The following ZNF98 variants were observed in gnomAD, a reference collection of about 807,000 sequenced individuals.
The protein encoded by ZNF98 is zinc finger protein 739.
Under a neutral mutation model 12.8 loss-of-function variants are expected in ZNF98, and 8 were observed. The observed-to-expected ratio is 0.63, with a 90% CI of 0.37 to 1.13. The LOEUF is 1.13. Ranked by LOEUF, ZNF98 falls within the 50% of genes most tolerant of loss-of-function variation. ZNF98 has a pLI of 0.01. For missense variants in ZNF98, 379 were observed against 666.1 expected (o/e 0.57, Z 4.74); for synonymous variants, 112 against 223.5 (o/e 0.50, Z 4.45).
intron 1 of ZNF98, among the ~76,000 whole-genome samples, chr19:22,407,524 C>T (rs1318641589): frequency 2.7e-5 from 4 of 150,674 alleles, no homozygotes; most frequent in South Asian, 2.1e-4. Flanking sequence ...CCAGCCTGGC[C>T]AACATGGTGA....
intron 1 of ZNF98, among the ~76,000 whole-genome samples, chr19:22,417,551 G>A (rs565669061): frequency 1.3e-5 from 2 of 152,206 alleles, no homozygotes; most frequent in East Asian, 1.9e-4. Context: ...TACAGATAGC[G>A]GCTCAGGTAG....
At chr19:22,397,118 C>A (rs1244807913) in intron 3 of ZNF98, among the ~76,000 whole-genome samples, 13 of 129,078 alleles carry the variant, frequency 1.0e-4, no homozygotes, top group African/African-American at 1.3e-4. Context: ...GACTCTGTCT[C>A]AAAAAAAAAC....
intron 3 of ZNF98, among the ~76,000 whole-genome samples, chr19:22,398,973 C>T (rs139217893): frequency 0.016 from 2,360 of 152,218 alleles, 75 homozygotes; most frequent in African/African-American, 0.054. Flanking sequence ...CACATATAAT[C>T]AGATTGTAAT....
At chr19:22,412,234 A>G (rs1969588191) in intron 1 of ZNF98, among the ~76,000 whole-genome samples, 1 of 152,210 alleles carries the variant, frequency 6.6e-6, no homozygotes, top group African/African-American at 2.4e-5. Flanking sequence ...CACAGAGGCC[A>G]CAGCTTGATA....
intron 1 of ZNF98, among the ~76,000 whole-genome samples, chr19:22,418,947 A>T (rs1969674750): frequency 6.6e-6 from 1 of 152,192 alleles, no homozygotes; most frequent in Admixed American, 6.5e-5. Context: ...ACTTAAGTTT[A>T]TCTCCGCCCC....
chr19:22,403,737 T>A (rs1046791268), intron 1 of ZNF98, among the ~76,000 whole-genome samples: 8 of 152,378 alleles, frequency 5.3e-5, no homozygotes, highest in Admixed American at 1.3e-4. Context: ...TAGATGATAC[T>A]TTTTTGGATG....
intron 1 of ZNF98, among the ~76,000 whole-genome samples, chr19:22,413,066 A>G (rs1009613826): frequency 3.3e-5 from 5 of 149,302 alleles, no homozygotes; most frequent in Admixed American, 2.0e-4. Context: ...AAAATAAAAA[A>G]TAAAAATAAA....
intron 1 of ZNF98, among the ~76,000 whole-genome samples, chr19:22,418,029 CT>C (rs1969664236): frequency 6.6e-6 from 1 of 152,078 alleles, no homozygotes; most frequent in African/African-American, 2.4e-5. Flanking sequence ...TCTGTGGTAT[CT>C]TTTTTCTTGT....
In ZNF98 at chr19:22,401,103, TA is replaced by T. The variant is rs201737545; in HGVS notation, c.253+1685del. ...CAGCACTGGAAGTATGTGGAATAAG[TA>T]AAAAAAAAAAAAAAAAAAATTTAAG... On this transcript the variant is annotated intron_variant, in intron 3 of 3. Coordinates refer to ENST00000357774, the MANE Select transcript of ZNF98 (RefSeq NM_001098626.2). 6.4e-3 allele frequency among the ~76,000 whole-genome samples: 670 copies of T among 104,608 alleles called. 1 individual carries two copies. Among genetic ancestry groups the T allele is most frequent in the Middle Eastern group, 0.017 (3 of 178 alleles). 68.6% of individuals were successfully genotyped at this position (104,608 alleles called of 152,430 possible).
At chr19:22,397,301 CA>C (rs1426398420) in intron 3 of ZNF98, among the ~76,000 whole-genome samples, 1 of 150,392 alleles carries the variant, frequency 6.6e-6, no homozygotes, top group Non-Finnish European at 1.5e-5. Flanking sequence ...ACATAGAGAG[CA>C]ACATAATTAT....
intron 1 of ZNF98, among the ~76,000 whole-genome samples, chr19:22,416,407 T>C (rs1969643370): frequency 6.6e-6 from 1 of 151,622 alleles, no homozygotes; most frequent in African/African-American, 2.4e-5. Flanking sequence ...GAGGCGGAGC[T>C]TGCAGTAACC....
Position 22,404,215 on chromosome 19 carries a change from G to A in ZNF98, c.31-703C>T, listed in dbSNP as rs141365412. Among the ~76,000 whole-genome samples the A allele has an allele frequency of 5.0e-4, 76 of 152,298 alleles. No homozygotes were observed. The East Asian group carries it at 0.013, about 27-fold the overall frequency. Reference sequence around the variant, plus strand: ...AGCCTGGGTGACAGAGCGAGACTCCGTCTCAAAATAAAAAAAAGAAAAGAA... The same window carrying A: ...AGCCTGGGTGACAGAGCGAGACTCCATCTCAAAATAAAAAAAAGAAAAGAA... On this transcript the variant is annotated intron_variant, in intron 1 of 3. Transcript: ENST00000357774.
chr19:22,416,418 G>C (rs377090759), intron 1 of ZNF98, among the ~76,000 whole-genome samples: 1 of 150,332 alleles, frequency 6.7e-6, no homozygotes, highest in Non-Finnish European at 1.5e-5. Flanking sequence ...TGCAGTAACC[G>C]AGATCGCGCC....
chr19:22,391,387 A>G lies in ZNF98; in HGVS notation c.*129T>C. 1 of 1,464,654 alleles carries G rather than the reference A, an allele frequency of 6.8e-7. No homozygotes were observed. Among genetic ancestry groups the G allele is most frequent in the Non-Finnish European group, 9.0e-7 (1 of 1,108,942 alleles). The allele number at this position is 1,464,654 out of a possible 1,614,324, so 90.7% of individuals were successfully genotyped here. ...TCAAGTATAAAGGCTTTCCTGTGCAATAAGGTTTGAGCATTGTGTAAGTTT... is the reference window on the plus strand; with the variant it reads ...TCAAGTATAAAGGCTTTCCTGTGCAGTAAGGTTTGAGCATTGTGTAAGTTT... On this transcript the variant is annotated 3_prime_UTR_variant, in exon 4 of 4. Coordinates refer to ENST00000357774, the MANE Select transcript of ZNF98 (RefSeq NM_001098626.2).
At chr19:22,408,689 T>C (rs999692085) in intron 1 of ZNF98, among the ~76,000 whole-genome samples, 4 of 151,838 alleles carry the variant, frequency 2.6e-5, no homozygotes, top group African/African-American at 9.7e-5. Flanking sequence ...AACATCACAA[T>C]TGCTACAAAA....
At chr19:22,409,366 G>C in intron 1 of ZNF98, among the ~76,000 whole-genome samples, 1 of 152,080 alleles carries the variant, frequency 6.6e-6, no homozygotes, top group East Asian at 1.9e-4. Context: ...ATACCACTCA[G>C]GACATAGGCA....
At chr19:22,395,279 G>C (rs1388068894) in intron 3 of ZNF98, among the ~76,000 whole-genome samples, 2 of 150,294 alleles carry the variant, frequency 1.3e-5, no homozygotes, top group African/African-American at 2.4e-5. Context: ...ACATGTTTGA[G>C]AGACTCCCAG....
intron 1 of ZNF98, among the ~76,000 whole-genome samples, chr19:22,403,726 AT>A (rs1310979865): frequency 1.3e-5 from 2 of 152,266 alleles, no homozygotes; most frequent in Non-Finnish European, 2.9e-5. Flanking sequence ...ACATCGAGGT[AT>A]AGATGATACT....
chr19:22,416,125 C>T (rs957599285), intron 1 of ZNF98, among the ~76,000 whole-genome samples: 11 of 150,522 alleles, frequency 7.3e-5, no homozygotes, highest in Admixed American at 4.7e-4. Context: ...GCCTGGGCAA[C>T]AGAGCAAGAC....
Sources: gnomAD v4.1 joint callset for allele counts (sites outside exome capture counted in the v4.1 genomes callset) on GRCh38, gnomAD v4.1.1 for gene constraint, MANE v1.5 for transcripts, NCBI Gene and HGNC (gene_info 2026-07-23, HGNC 2026-07-21) for gene names.